Variants in SIPA1L1 observed in about 807,000 individuals in gnomAD.
SIPA1L1 encodes signal induced proliferation associated 1 like 1.
SIPA1L1 carries 26 observed loss-of-function variants against 162.7 expected under a neutral mutation model. The observed-to-expected ratio is 0.16, with a 90% CI of 0.12 to 0.22. The LOEUF is 0.22. Among genes scored for constraint, SIPA1L1 ranks in the 10% least tolerant of loss-of-function variants. SIPA1L1 has a pLI of 1.00. For missense variants in SIPA1L1, 1,874 were observed against 2,241.0 expected (o/e 0.84, Z 3.31); for synonymous variants, 829 against 837.4 (o/e 0.99, Z 0.17).
rs555443522 is a variant in SIPA1L1, at chr14:71,413,265, G to A, written c.-465+92084G>A. 7.9e-5 allele frequency among the ~76,000 whole-genome samples: 12 copies of A among 152,268 alleles called. 1 individual carries two copies. In the South Asian group the frequency reaches 2.5e-3, roughly 32 times the overall value. ...GTATTTTGGAATAGTGATTCCCATA[G>A]GCATGTGATGGACCAACTCATCAAA... On this transcript the variant is annotated intron_variant, in intron 2 of 23. Coordinates refer to ENST00000381232, the MANE Select transcript of SIPA1L1 (RefSeq NM_001386936.1).
At chr14:71,353,863 G>T (rs1022299603) in intron 2 of SIPA1L1, among the ~76,000 whole-genome samples, 4 of 151,980 alleles carry the variant, frequency 2.6e-5, no homozygotes, top group African/African-American at 9.7e-5. Context: ...CGGGCAGAAG[G>T]TGCAGAAGAT....
At chr14:71,518,683 G>A (rs1336470993) in intron 3 of SIPA1L1, among the ~76,000 whole-genome samples, 1 of 152,120 alleles carries the variant, frequency 6.6e-6, no homozygotes. Flanking sequence ...GTTCACGCCT[G>A]TAATCCCAGC....
At chr14:71,473,857 A>G (rs1395447367) in intron 2 of SIPA1L1, among the ~76,000 whole-genome samples, 1 of 152,238 alleles carries the variant, frequency 6.6e-6, no homozygotes, top group Non-Finnish European at 1.5e-5. Context: ...AAAATATTAG[A>G]GCTGTCATTA....
At position 71,451,846 on chromosome 14, in the gene SIPA1L1, A is replaced by G. The variant is rs962927374; in HGVS notation, c.-464-60897A>G. Among the ~76,000 whole-genome samples, 3 of 152,252 alleles carry G rather than the reference A, an allele frequency of 2.0e-5. No individual in the cohort carries two copies. The East Asian group carries it at 5.8e-4, about 29-fold the overall frequency. On this transcript the variant is annotated intron_variant, in intron 2 of 23. Coordinates refer to ENST00000381232, the MANE Select transcript of SIPA1L1 (RefSeq NM_001386936.1). ...AAAACAACATGTATATGATAAACAC[A>G]TACAATTTTTACTTGTTAATTAAAA...
At chr14:71,598,337 T>G in intron 5 of SIPA1L1, 2 of 507,262 alleles carry the variant, frequency 3.9e-6, no homozygotes, top group Non-Finnish European at 5.1e-6. Context: ...TCCAGGTATC[T>G]CCCTTAAGAC....
At chr14:71,466,998 C>T (rs908546181) in intron 2 of SIPA1L1, among the ~76,000 whole-genome samples, 7 of 152,132 alleles carry the variant, frequency 4.6e-5, no homozygotes, top group African/African-American at 7.2e-5. Context: ...AGGGATATAA[C>T]GCAAACTATT....
At chr14:71,603,138 CTG>C (rs1183540958) in intron 5 of SIPA1L1, among the ~76,000 whole-genome samples, 1 of 152,124 alleles carries the variant, frequency 6.6e-6, no homozygotes, top group African/African-American at 2.4e-5. Context: ...GACTTAAAGT[CTG>C]TTTTATCTAA....
chr14:71,658,573 G>T, intron 9 of SIPA1L1, 137 bp downstream of exon 9: 1 of 664,918 alleles, frequency 1.5e-6, no homozygotes, highest in Non-Finnish European at 2.7e-6. Context: ...GTGCTTTGTG[G>T]AAGTAAGGAA....
intron 2 of SIPA1L1, among the ~76,000 whole-genome samples, chr14:71,510,875 G>A (rs1386150096): frequency 1.3e-5 from 2 of 152,152 alleles, no homozygotes; most frequent in African/African-American, 4.8e-5. Flanking sequence ...CTCAGGTGTG[G>A]CATTCCATTT....
chr14:71,350,041 T>C (rs1365774851), intron 2 of SIPA1L1, among the ~76,000 whole-genome samples: 1 of 151,990 alleles, frequency 6.6e-6, no homozygotes, highest in Non-Finnish European at 1.5e-5. Flanking sequence ...TGAGGCTTGG[T>C]TATAAGAGCA....
intron 2 of SIPA1L1, among the ~76,000 whole-genome samples, chr14:71,483,590 A>C (rs1278527002): frequency 3.3e-5 from 5 of 152,146 alleles, no homozygotes; most frequent in Non-Finnish European, 5.9e-5. Flanking sequence ...AATTTGAGTT[A>C]TGTTTCTGTA....
chr14:71,383,544 A>T (rs926200337), intron 2 of SIPA1L1, among the ~76,000 whole-genome samples: 4 of 152,192 alleles, frequency 2.6e-5, no homozygotes, highest in African/African-American at 9.6e-5. Flanking sequence ...AAGACTGGGT[A>T]ATTTATAAAG....
At chr14:71,726,640 C>G (rs1037358577) in intron 19 of SIPA1L1, among the ~76,000 whole-genome samples, 3 of 152,186 alleles carry the variant, frequency 2.0e-5, no homozygotes, top group Non-Finnish European at 2.9e-5. Context: ...TATGTTGTGA[C>G]TGTATTACTG....
chr14:71,609,871 G>C (rs1375152667), intron 5 of SIPA1L1, among the ~76,000 whole-genome samples: 1 of 151,960 alleles, frequency 6.6e-6, no homozygotes, highest in Non-Finnish European at 1.5e-5. Context: ...CACTTCCCCT[G>C]CGCCCCCCAC....
chr14:71,409,057 T>C (rs1029687121), intron 2 of SIPA1L1, among the ~76,000 whole-genome samples: 1 of 152,206 alleles, frequency 6.6e-6, no homozygotes, highest in South Asian at 2.1e-4. Context: ...ATCCCCTCCT[T>C]CTCTTTCCCT....
At chr14:71,627,334 ATGGGGTTTCATCACAT>A (rs1172673481) in intron 7 of SIPA1L1, among the ~76,000 whole-genome samples, 1 of 151,622 alleles carries the variant, frequency 6.6e-6, no homozygotes, top group Non-Finnish European at 1.5e-5. Flanking sequence ...TTTAGTAGAA[ATGGGGTTTCATCACAT>A]TGGCCAGGGT....
intron 12 of SIPA1L1, among the ~76,000 whole-genome samples, chr14:71,677,391 A>G (rs569700292): frequency 6.6e-6 from 1 of 152,324 alleles, no homozygotes; most frequent in Non-Finnish European, 1.5e-5. Flanking sequence ...TCAGATGGGT[A>G]GATTGTAAAA....
chr14:71,658,424 C>A lies in SIPA1L1; in HGVS notation c.2085C>A (p.Asn695Lys). The change falls in exon 9 of 24, where the codon AAC becomes AAA. Residue 695 changes from asparagine to lysine, a missense_variant. By Grantham distance (94) the Asn-to-Lys change is moderately conservative. Transcript: ENST00000381232. Reference protein sequence around the residue: ...HVSTMLPYTPNNKQQLLRKRH... With the variant: ...HVSTMLPYTPKNKQQLLRKRH... ...CTACCATGCTGCCATACACACCCAA[C>A]AACAAACAACAGGTAAGAGATCCTC... 1 of 1,578,322 alleles carries A rather than the reference C, an allele frequency of 6.3e-7. No homozygotes were observed. Among genetic ancestry groups the A allele is most frequent in the Non-Finnish European group, 8.7e-7 (1 of 1,147,396 alleles).
intron 10 of SIPA1L1, among the ~76,000 whole-genome samples, chr14:71,670,272 TAA>T (rs1306648757): frequency 6.6e-6 from 1 of 152,178 alleles, no homozygotes; most frequent in African/African-American, 2.4e-5. Context: ...TTAAAAATAA[TAA>T]GTTATTACAA....
Sources: gnomAD v4.1 joint callset for allele counts (sites outside exome capture counted in the v4.1 genomes callset) on GRCh38, gnomAD v4.1.1 for gene constraint, MANE v1.5 for transcripts, NCBI Gene and HGNC (gene_info 2026-07-23, HGNC 2026-07-21) for gene names.